TMEM216: variants seen among roughly 807,000 people sequenced by gnomAD.
TMEM216 encodes transmembrane protein 216.
TMEM216 carries 15 observed loss-of-function variants against 17.8 expected under a neutral mutation model. The observed-to-expected ratio is 0.84, with a 90% CI of 0.56 to 1.30. TMEM216 has a LOEUF of 1.30. TMEM216 is among the 50% of genes most tolerant of loss of function. The pLI, the probability that TMEM216 is intolerant of heterozygous loss-of-function variation, is 0.00. For missense variants in TMEM216, 160 were observed against 175.7 expected, an observed-to-expected ratio of 0.91 and a Z score of 0.51; for synonymous variants, 58 against 73.5, an observed-to-expected ratio of 0.79 and a Z score of 1.08.
chr11:61,392,817 A>T (rs1431815020), intron 1 of TMEM216, 152 bp downstream of exon 1: 2 of 1,507,868 alleles, frequency 1.3e-6, no homozygotes, highest in East Asian at 2.5e-5. Context: ...GGTCCCGCCC[A>T]CCCTGGGTGC....
Position 61,393,264 on chromosome 11 carries a change from T to TG in TMEM216, c.69dup (p.Phe24ValfsTer8). On this transcript the variant is annotated frameshift_variant, in exon 2 of 5. Coordinates refer to ENST00000515837, the MANE Select transcript of TMEM216 (RefSeq NM_001173990.3). LOFTEE classifies it high-confidence loss of function. ...TTGTCCTCCACCCCGCTGGAAATCC[T>TG]GTTCTTTCTGAACGGGTGGTATAAT... The TG allele has an allele frequency of 6.5e-7, 1 of 1,536,088 alleles. No homozygotes were observed.
chr11:61,392,774 G>A (rs1334028304), intron 1 of TMEM216, 109 bp downstream of exon 1: 18 of 1,529,142 alleles, frequency 1.2e-5, no homozygotes, highest in Non-Finnish European at 1.6e-5. Flanking sequence ...CGTTAGGGAC[G>A]TCGCGCCTCC....
At chr11:61,395,466 G>A (rs996622831) in intron 3 of TMEM216, among the ~76,000 whole-genome samples, 6 of 152,050 alleles carry the variant, frequency 3.9e-5, no homozygotes, top group African/African-American at 7.2e-5. Flanking sequence ...TTGGCTGGGC[G>A]CAGTGGCTCA....
chr11:61,398,680 T>G lies in TMEM216; in HGVS notation c.*404T>G, dbSNP rs1432759806. 5.3e-6 allele frequency: 1 copy of G among 188,194 alleles called. No individual in the cohort carries two copies. 11.7% of individuals were successfully genotyped at this position (188,194 alleles called of 1,614,324 possible). On this transcript the variant is annotated 3_prime_UTR_variant, in exon 5 of 5. Transcript: ENST00000515837. The stretch of plus-strand genomic sequence containing the variant: ...CGAGCTGTGCTATACCTGTCCCACA[T>G]GAGCACGGAGAGCCTCATGTTGGTG...
At chr11:61,394,499 G>C (rs1858756216) in intron 3 of TMEM216, among the ~76,000 whole-genome samples, 1 of 151,666 alleles carries the variant, frequency 6.6e-6, no homozygotes, top group Non-Finnish European at 1.5e-5. Context: ...CTCCTGAGTA[G>C]CTGGGATTAC....
chr11:61,394,288 C>T, intron 3 of TMEM216: 1 of 350,386 alleles, frequency 2.9e-6, no homozygotes, highest in East Asian at 6.3e-5. Flanking sequence ...GTTGTAACTC[C>T]ACGTCAGGGC....
At chr11:61,393,074 T>C (rs1858712044) in intron 1 of TMEM216, among the ~76,000 whole-genome samples, 157 bp from the exon 2 acceptor site, 1 of 147,332 alleles carries the variant, frequency 6.8e-6, no homozygotes. Flanking sequence ...CCCACCCCCG[T>C]ACCCTCGCCC....
intron 3 of TMEM216, 65 bp from the exon 4 acceptor site, chr11:61,397,709 C>T (rs556247849): frequency 8.9e-5 from 131 of 1,472,028 alleles, no homozygotes; most frequent in Middle Eastern, 4.8e-4. Context: ...ACATCTCCCA[C>T]GCCTTTCCCC....
chr11:61,393,400 A>G, intron 2 of TMEM216, 68 bp downstream of exon 2: 3 of 1,133,630 alleles, frequency 2.6e-6, no homozygotes, highest in Non-Finnish European at 1.3e-6. Flanking sequence ...ATTCCTACCA[A>G]GAACCTTCTT....
intron 3 of TMEM216, among the ~76,000 whole-genome samples, chr11:61,397,166 GA>G (rs1159492928): frequency 1.3e-5 from 2 of 151,278 alleles, no homozygotes; most frequent in Non-Finnish European, 3.0e-5. Context: ...TTTCTGTGTT[GA>G]AATTTTTTTT....
chr11:61,398,112 C>T, intron 4 of TMEM216, 137 bp downstream of exon 4: 3 of 1,383,110 alleles, frequency 2.2e-6, no homozygotes, highest in Non-Finnish European at 3.1e-6. Flanking sequence ...TATGGGATTG[C>T]CTTTCCTGTT....
intron 3 of TMEM216, 83 bp downstream of exon 3, chr11:61,394,059 C>G (rs536804347): frequency 1.6e-6 from 2 of 1,249,938 alleles, no homozygotes; most frequent in South Asian, 2.4e-5. Flanking sequence ...AGTACATAAC[C>G]TAGGTTGACT....
At chr11:61,395,072 G>C (rs1357847920) in intron 3 of TMEM216, among the ~76,000 whole-genome samples, 1 of 152,110 alleles carries the variant, frequency 6.6e-6, no homozygotes, top group Non-Finnish European at 1.5e-5. Context: ...GAAGCCCTGG[G>C]CTCAAGCAGT....
intron 3 of TMEM216, among the ~76,000 whole-genome samples, chr11:61,396,591 G>A (rs879822968): frequency 6.6e-6 from 1 of 151,888 alleles, no homozygotes; most frequent in Non-Finnish European, 1.5e-5. Flanking sequence ...TCAGGAGTTC[G>A]TGACCAGCCT....
At chr11:61,393,202 C>G (rs1229332100) in intron 1 of TMEM216, 29 bp from the exon 2 acceptor site, 2 of 1,498,628 alleles carry the variant, frequency 1.3e-6, no homozygotes, top group African/African-American at 2.8e-5. Context: ...CCTTCCGGCC[C>G]ATCCCACTTC....
chr11:61,394,979 A>T (rs1858768127), intron 3 of TMEM216, among the ~76,000 whole-genome samples: 1 of 150,486 alleles, frequency 6.6e-6, no homozygotes, highest in Non-Finnish European at 1.5e-5. Flanking sequence ...TTTGTTTTTT[A>T]AACATTTATT....
At chr11:61,396,749 G>A (rs1457744195) in intron 3 of TMEM216, among the ~76,000 whole-genome samples, 1 of 151,430 alleles carries the variant, frequency 6.6e-6, no homozygotes, top group African/African-American at 2.4e-5. Flanking sequence ...AGCCGAGATC[G>A]CTCCATTGCA....
At chr11:61,398,009 G>T in intron 4 of TMEM216, 34 bp downstream of exon 4, 1 of 1,610,364 alleles carries the variant, frequency 6.2e-7, no homozygotes. Context: ...CTCATCACTA[G>T]AGGGTTGGGT....
intron 3 of TMEM216, among the ~76,000 whole-genome samples, chr11:61,397,086 G>T (rs1019129203): frequency 6.6e-6 from 1 of 151,882 alleles, no homozygotes; most frequent in Admixed American, 6.6e-5. Context: ...AACAATACAC[G>T]TCATTCTCTA....
Sources: allele counts gnomAD v4.1 joint callset (sites outside exome capture counted in the v4.1 genomes callset), GRCh38; gene constraint gnomAD v4.1.1; transcripts MANE v1.5; gene names NCBI Gene and HGNC (gene_info 2026-07-23, HGNC 2026-07-21).